MYO1E: variants seen among roughly 807,000 people sequenced by gnomAD.
The protein encoded by MYO1E is unconventional myosin-Ie.
MYO1E carries 68 observed loss-of-function variants against 151.1 expected under a neutral mutation model. The ratio of observed to expected loss-of-function variants is 0.45; its 90% CI spans 0.37 to 0.55. The LOEUF is 0.55. Among genes scored for constraint, MYO1E ranks in the 20% least tolerant of loss-of-function variants. The probability of loss-of-function intolerance (pLI) is 0.00; values close to 1 mark genes in which losing one functional copy is unlikely to be tolerated. For missense variants in MYO1E, 1,363 were observed against 1,389.3 expected, an observed-to-expected ratio of 0.98 and a Z score of 0.30; for synonymous variants, 601 against 501.7, an observed-to-expected ratio of 1.20 and a Z score of -2.64.
chr15:59,151,216 A>C (rs912267327), intron 26 of MYO1E, among the ~76,000 whole-genome samples: 3 of 151,822 alleles, frequency 2.0e-5, no homozygotes, highest in Non-Finnish European at 4.4e-5. Flanking sequence ...TGACGAGGTC[A>C]AGAGATCGAG....
intron 18 of MYO1E, among the ~76,000 whole-genome samples, chr15:59,179,832 T>C (rs2079647764): frequency 6.6e-6 from 1 of 152,214 alleles, no homozygotes; most frequent in South Asian, 2.1e-4. Flanking sequence ...GACAAACACA[T>C]TACAGTTTGT....
At chr15:59,273,667 G>A (rs2080301546) in intron 1 of MYO1E, among the ~76,000 whole-genome samples, 1 of 91,132 alleles carries the variant, frequency 1.1e-5, no homozygotes, top group South Asian at 2.8e-4. Flanking sequence ...TATGCCGGAG[G>A]AGACCAGAGG....
At chr15:59,217,384 T>C (rs1489941717) in intron 10 of MYO1E, among the ~76,000 whole-genome samples, 1 of 151,956 alleles carries the variant, frequency 6.6e-6, no homozygotes, top group East Asian at 1.9e-4. Flanking sequence ...ACATTAGATT[T>C]AGCTAAGGTA....
chr15:59,221,526 C>CT (rs1192310316), intron 9 of MYO1E, among the ~76,000 whole-genome samples: 2 of 152,174 alleles, frequency 1.3e-5, no homozygotes, highest in African/African-American at 4.8e-5. Context: ...TGCATACCCC[C>CT]TCAAGCCACG....
At chr15:59,212,456 G>A (rs1175538610) in intron 12 of MYO1E, among the ~76,000 whole-genome samples, 2 of 152,118 alleles carry the variant, frequency 1.3e-5, no homozygotes, top group Admixed American at 6.5e-5. Flanking sequence ...TTTGATGTGT[G>A]TAATGGCTTG....
intron 1 of MYO1E, among the ~76,000 whole-genome samples, chr15:59,331,404 A>G (rs1056853895): frequency 2.0e-5 from 3 of 152,228 alleles, no homozygotes; most frequent in Non-Finnish European, 4.4e-5. Context: ...CACTGATATG[A>G]GAAATCAGAG....
rs1459063650 is a variant in MYO1E, at chr15:59,236,367, TATACACACACACAC to T, written c.420+204_420+217del. Reference sequence around the variant, plus strand: ...TCTCAAAAAAGAAAAAAAAAAAATATATACACACACACACACACACACACACACACACACACACA... The same window carrying T: ...TCTCAAAAAAGAAAAAAAAAAAATATACACACACACACACACACACACACA... On this transcript the variant is annotated intron_variant, in intron 5 of 27. Transcript: ENST00000288235. Among the ~76,000 whole-genome samples the T allele has an allele frequency of 5.1e-4, 12 of 23,584 alleles. 1 individual carries two copies. The highest frequency in any genetic ancestry group is 1.2e-3 in the African/African-American group (11 of 9,474). The allele number at this position is 23,584 out of a possible 152,430, so 15.5% of individuals were successfully genotyped here.
chr15:59,149,528 G>A (rs1303264329), intron 26 of MYO1E, among the ~76,000 whole-genome samples: 1 of 152,188 alleles, frequency 6.6e-6, no homozygotes, highest in Non-Finnish European at 1.5e-5. Flanking sequence ...TAGCTACCAT[G>A]TGCACCAATA....
intron 1 of MYO1E, 49 bp from the exon 2 acceptor site, chr15:59,272,498 A>G: frequency 6.3e-7 from 1 of 1,587,366 alleles, no homozygotes. Flanking sequence ...TTTCCCCTGT[A>G]GTAACAAAGA....
rs780850627 is a variant in MYO1E, at chr15:59,159,849, T to C, written c.2785+1224A>G. Among the ~76,000 whole-genome samples, 5 of 152,094 alleles carry C rather than the reference T, an allele frequency of 3.3e-5. No homozygotes were observed. The highest frequency in any genetic ancestry group is 7.3e-5 in the Non-Finnish European group (5 of 68,030). On this transcript the variant is annotated intron_variant, in intron 24 of 27. Transcript: ENST00000288235. This position sits in a 1 kb window ranked among gnomAD's most constrained non-coding sequence, Gnocchi z 4.4. ...ACAGATTTGAGAAATGGCTAATTAA[T>C]TAATTAATTTTTGAGATGGAGTTTC...
At chr15:59,205,155 G>GT (rs2079825220) in intron 15 of MYO1E, among the ~76,000 whole-genome samples, 1 of 152,124 alleles carries the variant, frequency 6.6e-6, no homozygotes, top group African/African-American at 2.4e-5. Context: ...TTTTGTTTTT[G>GT]TTTTTTTCTT....
intron 1 of MYO1E, among the ~76,000 whole-genome samples, chr15:59,313,563 C>T (rs1462515899): frequency 6.9e-6 from 1 of 143,942 alleles, no homozygotes; most frequent in Admixed American, 7.1e-5. Context: ...TCTCCTATCT[C>T]CTATGCTCAC....
intron 7 of MYO1E, among the ~76,000 whole-genome samples, chr15:59,227,085 C>A (rs2079996329): frequency 6.6e-6 from 1 of 152,212 alleles, no homozygotes; most frequent in African/African-American, 2.4e-5. Context: ...TGGTGCAGGT[C>A]ACCTGTCTTC....
chr15:59,155,588 A>G (rs2079505305), intron 25 of MYO1E, among the ~76,000 whole-genome samples: 1 of 152,158 alleles, frequency 6.6e-6, no homozygotes, highest in African/African-American at 2.4e-5. Flanking sequence ...ACTTTGGCCA[A>G]CCTAGCTGAG....
At chr15:59,327,176 A>C (rs2080669961) in intron 1 of MYO1E, among the ~76,000 whole-genome samples, 1 of 152,124 alleles carries the variant, frequency 6.6e-6, no homozygotes, top group South Asian at 2.1e-4. Flanking sequence ...TCTCCCATGT[A>C]ATCCTCCACC....
chr15:59,190,785 T>C (rs2079728224), intron 17 of MYO1E, among the ~76,000 whole-genome samples: 1 of 152,216 alleles, frequency 6.6e-6, no homozygotes, highest in Admixed American at 6.5e-5. Flanking sequence ...GTTATTATCG[T>C]CATCCATTCC....
intron 2 of MYO1E, among the ~76,000 whole-genome samples, chr15:59,265,828 A>G (rs1035830401): frequency 6.7e-6 from 1 of 149,140 alleles, no homozygotes; most frequent in Admixed American, 6.7e-5. Flanking sequence ...ATTGCCAGGC[A>G]TGGTGGTCTT....
chr15:59,210,805 C>G (rs1233126835), intron 12 of MYO1E, among the ~76,000 whole-genome samples: 1 of 152,002 alleles, frequency 6.6e-6, no homozygotes, highest in Non-Finnish European at 1.5e-5. Flanking sequence ...TAGTTTGAAC[C>G]CTATGAAATT....
intron 2 of MYO1E, among the ~76,000 whole-genome samples, chr15:59,268,718 G>GTGTTTTTTTTTTTTTTTTTTTTTTTTTT (rs1452818863): frequency 8.3e-5 from 1 of 12,044 alleles, no homozygotes; most frequent in Non-Finnish European, 4.1e-4. Flanking sequence ...GGTGACTTTG[G>GTGTTTTTTTTTTTTTTTTTTTTTTTTTT]TATTTTTTTT....
Sources: allele counts gnomAD v4.1 joint callset (sites outside exome capture counted in the v4.1 genomes callset), GRCh38; gene constraint gnomAD v4.1.1; non-coding constraint Gnocchi (gnomAD v3.1); transcripts MANE v1.5; gene names NCBI Gene and HGNC (gene_info 2026-07-23, HGNC 2026-07-21).